Variants in CPEB3 observed in about 807,000 individuals in gnomAD.
CPEB3 encodes the protein cytoplasmic polyadenylation element-binding protein 3.
CPEB3 carries 20 observed loss-of-function variants against 67.2 expected under a neutral mutation model. The observed-to-expected ratio is 0.30, with a 90% CI of 0.21 to 0.43. The LOEUF (loss-of-function observed/expected upper bound fraction) is 0.43. Among genes scored for constraint, CPEB3 ranks in the 20% least tolerant of loss-of-function variants. The probability of loss-of-function intolerance (pLI) is 1.00; values close to 1 mark genes in which losing one functional copy is unlikely to be tolerated. For missense variants in CPEB3, 746 were observed against 968.6 expected (o/e 0.77, Z 3.05); for synonymous variants, 376 against 393.1 (o/e 0.96, Z 0.51).
chr10:92,201,775 A>G (rs1849538065), intron 2 of CPEB3, among the ~76,000 whole-genome samples: 1 of 152,172 alleles, frequency 6.6e-6, no homozygotes, highest in Non-Finnish European at 1.5e-5. Context: ...AAGTACATGT[A>G]GCTCCTAATA....
chr10:92,283,430 G>T (rs1013878172), intron 1 of CPEB3, among the ~76,000 whole-genome samples: 2 of 152,032 alleles, frequency 1.3e-5, no homozygotes, highest in African/African-American at 4.8e-5. Flanking sequence ...CCCCACTTCC[G>T]CTGGAGATGA....
intron 2 of CPEB3, among the ~76,000 whole-genome samples, chr10:92,221,502 A>G (rs1387541370): frequency 6.6e-6 from 1 of 152,190 alleles, no homozygotes; most frequent in African/African-American, 2.4e-5. Flanking sequence ...CAAAAAAATA[A>G]AAACTCTCAA....
At chr10:92,200,545 CAA>C (rs57165866) in intron 2 of CPEB3, among the ~76,000 whole-genome samples, 111 of 54,540 alleles carry the variant, frequency 2.0e-3, no homozygotes, top group Middle Eastern at 0.014. Flanking sequence ...AACTCCGTCT[CAA>C]AAAAAAAAAA....
chr10:92,276,485 G>A (rs1382472142), intron 1 of CPEB3, among the ~76,000 whole-genome samples: 1 of 151,436 alleles, frequency 6.6e-6, no homozygotes, highest in African/African-American at 2.4e-5. Flanking sequence ...CGCCATGTTG[G>A]CCAGGCTGGT....
intron 6 of CPEB3, among the ~76,000 whole-genome samples, chr10:92,127,592 T>C (rs1845662193): frequency 6.6e-6 from 1 of 152,126 alleles, no homozygotes; most frequent in Non-Finnish European, 1.5e-5. Context: ...GGCATGAGAA[T>C]AGCTTGAGCC....
At chr10:92,193,693 G>A (rs1006741207) in intron 2 of CPEB3, among the ~76,000 whole-genome samples, 5 of 151,480 alleles carry the variant, frequency 3.3e-5, no homozygotes, top group Admixed American at 6.6e-5. Context: ...GAGTGCAAAC[G>A]ATAAAGACCA....
At chr10:92,137,553 T>G (rs1339553447) in intron 6 of CPEB3, 3 of 763,152 alleles carry the variant, frequency 3.9e-6, no homozygotes, top group Non-Finnish European at 7.1e-6. Flanking sequence ...CCATTTGGAT[T>G]CCTGTCAAGA....
chr10:92,149,624 A>C (rs1304615698), intron 4 of CPEB3, among the ~76,000 whole-genome samples: 3 of 152,228 alleles, frequency 2.0e-5, no homozygotes, highest in African/African-American at 4.8e-5. Context: ...CAAGGTTTTA[A>C]AACCAAACCT....
chr10:92,111,240 T>C (rs780621735), intron 6 of CPEB3, 46 bp from the exon 7 acceptor site: 1 of 1,214,548 alleles, frequency 8.2e-7, no homozygotes, highest in South Asian at 1.2e-5. Context: ...ATCAGTACAT[T>C]AAACTCAAAG....
intron 2 of CPEB3, among the ~76,000 whole-genome samples, chr10:92,226,010 T>C (rs1310542904): frequency 1.3e-5 from 2 of 152,052 alleles, no homozygotes; most frequent in Non-Finnish European, 1.5e-5. Context: ...GGCAGGAGAA[T>C]TGCTTGAACC....
chr10:92,204,747 T>C (rs936288189), intron 2 of CPEB3, among the ~76,000 whole-genome samples: 1 of 151,610 alleles, frequency 6.6e-6, no homozygotes, highest in Non-Finnish European at 1.5e-5. Context: ...GAGACTTAAA[T>C]TAAAATGAGA....
At chr10:92,213,426 T>A (rs1850190997) in intron 2 of CPEB3, among the ~76,000 whole-genome samples, 1 of 152,206 alleles carries the variant, frequency 6.6e-6, no homozygotes, top group Non-Finnish European at 1.5e-5. Flanking sequence ...AAAAGGGTAA[T>A]TTATAAATAA....
chr10:92,291,050 C>T lies in CPEB3; in HGVS notation c.-136G>A, dbSNP rs1011131478. 10 of 177,020 alleles carry T rather than the reference C, an allele frequency of 5.6e-5. No individual in the cohort carries two copies. Among genetic ancestry groups the T allele is most frequent in the Non-Finnish European group, 9.5e-5 (8 of 83,820 alleles). 11.0% of individuals were successfully genotyped at this position (177,020 alleles called of 1,614,324 possible). On this transcript the variant is annotated 5_prime_UTR_variant, in exon 1 of 10. Transcript: ENST00000265997. ...GGCCAGACGGCGGCAGGCGCGGAGGCGTTGGTCCGGGCGGGCTGTGCAGCC... is the reference window on the plus strand; with the variant it reads ...GGCCAGACGGCGGCAGGCGCGGAGGTGTTGGTCCGGGCGGGCTGTGCAGCC...
At chr10:92,188,547 C>T (rs1262543170) in intron 3 of CPEB3, among the ~76,000 whole-genome samples, 3 of 151,768 alleles carry the variant, frequency 2.0e-5, no homozygotes, top group Non-Finnish European at 2.9e-5. Context: ...TGGTGAAACC[C>T]GTCTCTATTT....
rs529304918 is a variant in CPEB3 at position 92,051,040 on chromosome 10, A to G, written c.*1172T>C. On this transcript the variant is annotated 3_prime_UTR_variant, in exon 10 of 10. Transcript: ENST00000265997. ...CTATATAAAATAAATTTCACAATAT[A>G]TAACAGAGCACCGCAAAGTACTTCA... 19 of 152,774 alleles carry G rather than the reference A, an allele frequency of 1.2e-4. 1 individual carries two copies. The East Asian group carries it at 3.7e-3, about 29-fold the overall frequency. The allele number at this position is 152,774 out of a possible 1,614,324, so 9.5% of individuals were successfully genotyped here. A position where few individuals can be genotyped will look rare whatever the true frequency, so the allele number is the denominator to read the frequency against.
intron 4 of CPEB3, among the ~76,000 whole-genome samples, chr10:92,177,438 G>A (rs1848271719): frequency 6.6e-6 from 1 of 152,082 alleles, no homozygotes; most frequent in East Asian, 1.9e-4. Context: ...CTAATATTTT[G>A]AGAAAGGCCA....
chr10:92,219,127 A>G (rs563129077), intron 2 of CPEB3, among the ~76,000 whole-genome samples: 1 of 152,280 alleles, frequency 6.6e-6, no homozygotes, highest in South Asian at 2.1e-4. Context: ...TCGGTTTTGA[A>G]CTTGCTTATG....
Position 92,192,592 on chromosome 10 carries a change from C to T in CPEB3, c.1050G>A (p.Glu350=). 1 of 1,613,074 alleles carries T rather than the reference C, an allele frequency of 6.2e-7. No homozygotes were observed. Among genetic ancestry groups the T allele is most frequent in the East Asian group, 2.2e-5 (1 of 44,852 alleles). ...PYDTFNLHSL[E]NSLMDMIRTD... Reference sequence around the variant, plus strand: ...TCCTTATCATATCCATTAAGGAGTTCTCCAACGAGTGCAAGTTAAAAGTAT... The same window carrying T: ...TCCTTATCATATCCATTAAGGAGTTTTCCAACGAGTGCAAGTTAAAAGTAT... Residue 350 remains glutamate (E), a synonymous_variant, in exon 3 of 10, where the codon GAG becomes GAA. Coordinates refer to ENST00000265997, the MANE Select transcript of CPEB3 (RefSeq NM_014912.5).
chr10:92,237,415 C>T (rs1392309424), intron 2 of CPEB3, among the ~76,000 whole-genome samples: 3 of 152,188 alleles, frequency 2.0e-5, no homozygotes, highest in Non-Finnish European at 4.4e-5. Flanking sequence ...TGAATCCAGT[C>T]CATTTGGCTC....
Sources: gnomAD v4.1 joint callset for allele counts (sites outside exome capture counted in the v4.1 genomes callset) on GRCh38, gnomAD v4.1.1 for gene constraint, MANE v1.5 for transcripts, NCBI Gene and HGNC (gene_info 2026-07-23, HGNC 2026-07-21) for gene names.